Variants in CELSR2 observed in about 807,000 individuals in gnomAD.
The protein encoded by CELSR2 is EGF-like protein 2.
In CELSR2, 81 loss-of-function variants were observed where a neutral mutation model predicts 251.6. The ratio of observed to expected loss-of-function variants is 0.32; its 90% CI spans 0.27 to 0.39. The LOEUF is 0.39. Among genes scored for constraint, CELSR2 ranks in the 10% least tolerant of loss-of-function variants. The probability of loss-of-function intolerance (pLI) is 1.00; values close to 1 mark genes in which losing one functional copy is unlikely to be tolerated. For missense variants in CELSR2, 3,365 were observed against 3,947.7 expected, an observed-to-expected ratio of 0.85 and a Z score of 3.96; for synonymous variants, 1,721 against 1,670.5, an observed-to-expected ratio of 1.03 and a Z score of -0.74.
chr1:109,251,216 G>C lies in CELSR2; in HGVS notation c.1137G>C (p.Arg379=), dbSNP rs769734269. 3 of 1,613,942 alleles carry C rather than the reference G, an allele frequency of 1.9e-6. No homozygotes were observed. The South Asian group carries it at 3.3e-5, about 18-fold the overall frequency. ...ASDQGRDPGP[R]STTAAVFLSV... is the part of the protein sequence containing the mutation. ...ACCAGGGTCGGGACCCGGGTCCTCG[G>C]AGTACCACAGCCGCTGTTTTCCTTT... Residue 379 remains arginine (R), a synonymous_variant, in exon 1 of 34, where the codon CGG becomes CGC. Coordinates refer to ENST00000271332, the MANE Select transcript of CELSR2 (RefSeq NM_001408.3). The surrounding 1 kb of genome is among the most constrained non-coding windows in gnomAD (Gnocchi z 4.9).
chr1:109,257,386 T>G (rs1439207172), intron 1 of CELSR2, among the ~76,000 whole-genome samples: 1 of 151,274 alleles, frequency 6.6e-6, no homozygotes, highest in Non-Finnish European at 1.5e-5. Context: ...CTTCTTGCCC[T>G]GTAAAGCCAT....
Position 109,258,758 on chromosome 1 carries a change from C to A in CELSR2, c.3637C>A (p.Arg1213Ser), listed in dbSNP as rs754195992. Reference sequence around the variant, plus strand: ...CCTGCAGGAGCGCCTATACCTCAACCGCAGCCTGCTGACGGCCATCTCGGC... The same window carrying A: ...CCTGCAGGAGCGCCTATACCTCAACAGCAGCCTGCTGACGGCCATCTCGGC... ...EDLQERLYLN[R>S]SLLTAISAQR... The change falls in exon 2 of 34, where the codon CGC becomes AGC. Residue 1213 changes from arginine to serine, a missense_variant. By Grantham distance (110) the Arg-to-Ser change is moderately radical (BLOSUM62 -1). Around this residue, in one of 5 missense-constraint regions of CELSR2, gnomAD observed 2,093 missense variants for 2,382.8 expected, o/e 0.88. Coordinates refer to ENST00000271332, the MANE Select transcript of CELSR2 (RefSeq NM_001408.3). 2.5e-6 allele frequency: 4 copies of A among 1,584,840 alleles called. No individual in the cohort carries two copies. Among genetic ancestry groups the A allele is most frequent in the Non-Finnish European group, 3.4e-6 (4 of 1,165,818 alleles).
rs375862401 is a variant in CELSR2 at position 109,264,493 on chromosome 1, C to A, written c.5329C>A (p.Leu1777Met). Residue 1777 changes from leucine (L) to methionine (M), a missense_variant, in exon 11 of 34, where the codon CTG becomes ATG. Leu to Met is a conservative substitution (Grantham distance 15). This residue lies in a region of CELSR2 where 2,093 missense variants were observed against 2,382.8 expected (regional missense o/e 0.88). Transcript: ENST00000271332. ...VSDTPEGVNS[L>M]DPSHGESINV... ...CGATACGCCGGAGGGGGTTAACAGC[C>A]TGGATCCCAGCCATGGGGAGAGCAT... 1 of 1,613,938 alleles carries A rather than the reference C, an allele frequency of 6.2e-7. No homozygotes were observed. Among genetic ancestry groups the A allele is most frequent in the African/African-American group, 1.3e-5 (1 of 74,948 alleles).
chr1:109,262,699 T>A lies in CELSR2; in HGVS notation c.4545-107T>A, dbSNP rs1656052213. On this transcript the variant is annotated intron_variant, in intron 6 of 33. Transcript: ENST00000271332. Reference sequence around the variant, plus strand: ...CCTGAGCACTGCTCTGCAGGGCCTCTTGGACACCTGCCTACGCCGTTCGTG... The same window carrying A: ...CCTGAGCACTGCTCTGCAGGGCCTCATGGACACCTGCCTACGCCGTTCGTG... The A allele has an allele frequency of 1.4e-5, 22 of 1,537,520 alleles. No individual in the cohort carries two copies. In the South Asian group the frequency reaches 2.6e-4, roughly 18 times the overall value.
chr1:109,270,812 G>A (rs1656349582), intron 24 of CELSR2, 115 bp from the exon 25 acceptor site: 1 of 987,190 alleles, frequency 1.0e-6, no homozygotes, highest in Admixed American at 2.1e-5. Flanking sequence ...GGCCGATGGT[G>A]GGCAGAACCC....
Position 109,258,946 on chromosome 1 carries a change from C to T in CELSR2, c.3825C>T (p.Arg1275=). 1.9e-6 allele frequency: 3 copies of T among 1,611,844 alleles called. No individual in the cohort carries two copies. Among genetic ancestry groups the T allele is most frequent in the Non-Finnish European group, 2.5e-6 (3 of 1,179,618 alleles). ...PIHPVGGLRC[R]CPPGFTGDYC... is the part of the protein sequence containing the mutation. ...ACCCCGTCGGAGGGCTGCGCTGCCGCTGCCCGCCCGGCTTCACGGGTGACT... is the reference window on the plus strand; with the variant it reads ...ACCCCGTCGGAGGGCTGCGCTGCCGTTGCCCGCCCGGCTTCACGGGTGACT... The change falls in exon 2 of 34, where the codon CGC becomes CGT. Residue 1275 remains arginine, a synonymous_variant. Coordinates refer to ENST00000271332, the MANE Select transcript of CELSR2 (RefSeq NM_001408.3).
rs1393367358 is a variant in CELSR2, at chr1:109,273,179, GC to G, written c.8354del (p.Pro2785LeufsTer40). ...HSTPKDGGPG[P>X]GKAPWPGDFG... Reference sequence around the variant, plus strand: ...TTTCCCCACCAGATGGGGGCCCAGGGCCTGGCAAGGCCCCCTGGCCAGGAGA... The same window carrying G: ...TTTCCCCACCAGATGGGGGCCCAGGGCTGGCAAGGCCCCCTGGCCAGGAGA... On this transcript the variant is annotated frameshift_variant, in exon 32 of 34. Transcript: ENST00000271332. LOFTEE classifies it high-confidence loss of function. The G allele has an allele frequency of 6.2e-7, 1 of 1,608,492 alleles. No homozygotes were observed. Among genetic ancestry groups the G allele is most frequent in the African/African-American group, 1.3e-5 (1 of 74,392 alleles).
chr1:109,273,457 T>A lies in CELSR2; in HGVS notation c.8531T>A (p.Leu2844Gln), dbSNP rs1330162830. Residue 2844 changes from leucine to glutamine, a missense_variant, in exon 33 of 34, where the codon CTG becomes CAG. Around this residue, in one of 5 missense-constraint regions of CELSR2, gnomAD observed 2,093 missense variants for 2,382.8 expected, o/e 0.88. Coordinates refer to ENST00000271332, the MANE Select transcript of CELSR2 (RefSeq NM_001408.3). ...PHKGILKKKC[L>Q]PTISEKSSLL... ...ACAGGCATCCTTAAGAAGAAGTGTC[T>A]GCCCACCATCAGCGAGAAGAGCAGC... The A allele has an allele frequency of 1.2e-6, 2 of 1,612,298 alleles. No individual in the cohort carries two copies. Among genetic ancestry groups the A allele is most frequent in the Admixed American group, 3.3e-5 (2 of 59,890 alleles).
At position 109,273,252 on chromosome 1, in the gene CELSR2, G is replaced by A; in HGVS notation, c.8425G>A (p.Glu2809Lys). Residue 2809 changes from glutamate to lysine, a missense_variant, in exon 32 of 34, where the codon GAG becomes AAG. Coordinates refer to ENST00000271332, the MANE Select transcript of CELSR2 (RefSeq NM_001408.3). The stretch of plus-strand genomic sequence containing the variant: ...GAGTAGTGGCAACGGGGCCCCTGAG[G>A]AGCGGCTGCGGGAGAATGGAGATGC... Reference protein sequence around the residue: ...KESSGNGAPEERLRENGDALS... With the variant: ...KESSGNGAPEKRLRENGDALS... 1 of 1,612,426 alleles carries A rather than the reference G, an allele frequency of 6.2e-7. No individual in the cohort carries two copies.
chr1:109,250,539 C>G lies in CELSR2; in HGVS notation c.460C>G (p.Pro154Ala). Residue 154 changes from proline to alanine, a missense_variant, in exon 1 of 34, where the codon CCC becomes GCC. Pro to Ala is a conservative substitution (Grantham distance 27). Coordinates refer to ENST00000271332, the MANE Select transcript of CELSR2 (RefSeq NM_001408.3). This position sits in a 1 kb window ranked among gnomAD's most constrained non-coding sequence, Gnocchi z 4.4. ...RCQSCKLAQA[P>A]GLRAGERSPE... is the part of the protein sequence containing the mutation. ...CCAGTCCTGCAAGCTGGCACAGGCC[C>G]CCGGGCTCAGGGCAGGGGAAAGGTC... 1 of 1,613,924 alleles carries G rather than the reference C, an allele frequency of 6.2e-7. No individual in the cohort carries two copies. The highest frequency in any genetic ancestry group is 1.1e-5 in the South Asian group (1 of 91,088).
Position 109,269,133 on chromosome 1 carries a change from G to T in CELSR2, c.6655G>T (p.Ala2219Ser), listed in dbSNP as rs147671089. The change falls in exon 20 of 34, where the codon GCA (alanine) becomes TCA (serine). Residue 2219 changes from alanine to serine, a missense_variant. Coordinates refer to ENST00000271332, the MANE Select transcript of CELSR2 (RefSeq NM_001408.3). The surrounding 1 kb of genome is among the most constrained non-coding windows in gnomAD (Gnocchi z 6.4). ...FRETPPVVRPAGPGEAQEPEE... is the reference protein window; with the variant it reads ...FRETPPVVRPSGPGEAQEPEE... ...AGAGACGCCCCCCGTGGTCAGGCCC[G>T]CAGGCCCCGGAGAGGCCCAGGAGCC... 127 of 1,606,070 alleles carry T rather than the reference G, an allele frequency of 7.9e-5. No individual in the cohort carries two copies. The African/African-American group carries it at 1.5e-3, about 19-fold the overall frequency.
At position 109,261,002 on chromosome 1, in the gene CELSR2, C is replaced by G. The variant is rs1656004534; in HGVS notation, c.3959-40C>G. On this transcript the variant is annotated intron_variant, in intron 2 of 33. Coordinates refer to ENST00000271332, the MANE Select transcript of CELSR2 (RefSeq NM_001408.3). This position sits in a 1 kb window ranked among gnomAD's most constrained non-coding sequence, Gnocchi z 4.8. ...GGGGGGTCTCAGTTCCCCTCCTGTC[C>G]TCAGGTACTTGGTACTCACCTGCCT... 5 of 1,513,462 alleles carry G rather than the reference C, an allele frequency of 3.3e-6. No individual in the cohort carries two copies. The highest frequency in any genetic ancestry group is 4.5e-6 in the Non-Finnish European group (5 of 1,101,584). The allele number at this position is 1,513,462 out of a possible 1,614,324, so 93.8% of individuals were successfully genotyped here. A position where few individuals can be genotyped will look rare whatever the true frequency, so the allele number is the denominator to read the frequency against.
intron 1 of CELSR2, among the ~76,000 whole-genome samples, chr1:109,258,005 A>T (rs655334): frequency 0.12 from 17,958 of 152,094 alleles, 1,308 homozygotes; most frequent in African/African-American, 0.19. Flanking sequence ...GGAGTGGGGA[A>T]CACAGCCATG....
chr1:109,272,903 C>G lies in CELSR2; in HGVS notation c.8214C>G (p.His2738Gln). 1 of 1,614,030 alleles carries G rather than the reference C, an allele frequency of 6.2e-7. No homozygotes were observed. Among genetic ancestry groups the G allele is most frequent in the Non-Finnish European group, 8.5e-7 (1 of 1,179,986 alleles). ...AGAGTGGCTCCTATGCCTCTACCCA[C>G]TCATCAGACAGTGAGGAGGAAGAAG... The part of the protein sequence containing the change: ...DDQSGSYAST[H>Q]SSDSEEEEEE... The change falls in exon 31 of 34, where the codon CAC (histidine) becomes CAG (glutamine). Residue 2738 changes from histidine to glutamine, a missense_variant. Around this residue, in one of 5 missense-constraint regions of CELSR2, gnomAD observed 2,093 missense variants for 2,382.8 expected, o/e 0.88. Coordinates refer to ENST00000271332, the MANE Select transcript of CELSR2 (RefSeq NM_001408.3).
Position 109,252,338 on chromosome 1 carries a change from C to G in CELSR2, c.2259C>G (p.Asp753Glu), listed in dbSNP as rs1409357652. ...ENARITYFME[D>E]SIPQFRIDAD... The stretch of plus-strand genomic sequence containing the variant: ...CCCGCATCACCTACTTCATGGAGGA[C>G]AGCATCCCCCAGTTCCGCATCGATG... Residue 753 changes from aspartate (D) to glutamate (E), a missense_variant, in exon 1 of 34, where the codon GAC (aspartate) becomes GAG (glutamate). This residue lies in a region of CELSR2 where 505 missense variants were observed against 660.0 expected (regional missense o/e 0.77). Coordinates refer to ENST00000271332, the MANE Select transcript of CELSR2 (RefSeq NM_001408.3). This position sits in a 1 kb window ranked among gnomAD's most constrained non-coding sequence, Gnocchi z 4.8. 5 of 1,612,968 alleles carry G rather than the reference C, an allele frequency of 3.1e-6. No individual in the cohort carries two copies. The highest frequency in any genetic ancestry group is 4.2e-6 in the Non-Finnish European group (5 of 1,180,030).
chr1:109,253,709 C>T lies in CELSR2; in HGVS notation c.3310+320C>T, dbSNP rs566276572. Among the ~76,000 whole-genome samples, 10 of 152,220 alleles carry T rather than the reference C, an allele frequency of 6.6e-5. No homozygotes were observed. In the South Asian group the frequency reaches 1.2e-3, roughly 19 times the overall value. On this transcript the variant is annotated intron_variant, in intron 1 of 33. Coordinates refer to ENST00000271332, the MANE Select transcript of CELSR2 (RefSeq NM_001408.3). The stretch of plus-strand genomic sequence containing the variant: ...CTGCCAAGAATTGTGAAAAAAGGCG[C>T]GTGGAAGCCTGGGGGGCCAGGAGAG...
At chr1:109,262,517 T>C in intron 6 of CELSR2, 73 bp downstream of exon 6, 1 of 1,534,728 alleles carries the variant, frequency 6.5e-7, no homozygotes, top group Non-Finnish European at 8.9e-7. Flanking sequence ...GTGGAGAGGG[T>C]GGGCTTTTGG....
rs1656375846 is a variant in CELSR2, at chr1:109,271,652, C to T, written c.7856C>T (p.Ala2619Val). The change falls in exon 28 of 34, where the codon GCA becomes GTA. Residue 2619 changes from alanine (A) to valine (V), a missense_variant. By Grantham distance (64) the Ala-to-Val change is moderately conservative. Transcript: ENST00000271332. ...GTGCTTAGCAAGGAGGTCCGGAAAGCACTCAAGCTTGCCTGCAGCCGCAAG... is the reference window on the plus strand; with the variant it reads ...GTGCTTAGCAAGGAGGTCCGGAAAGTACTCAAGCTTGCCTGCAGCCGCAAG... Reference protein sequence around the residue: ...YVVLSKEVRKALKLACSRKPS... With the variant: ...YVVLSKEVRKVLKLACSRKPS... 1 of 1,614,072 alleles carries T rather than the reference C, an allele frequency of 6.2e-7. No individual in the cohort carries two copies. Among genetic ancestry groups the T allele is most frequent in the Middle Eastern group, 1.6e-4 (1 of 6,062 alleles).
rs762010127 is a variant in CELSR2, at chr1:109,272,842, C to T, written c.8153C>T (p.Thr2718Met). ...EGQDQQHDPD[T>M]DSDSDLSLED... ...CTCCCTGGCCTCCTAGATCCTGACACGGACTCCGACAGTGACCTGTCCTTA... is the reference window on the plus strand; with the variant it reads ...CTCCCTGGCCTCCTAGATCCTGACATGGACTCCGACAGTGACCTGTCCTTA... Residue 2718 changes from threonine to methionine, a missense_variant, in exon 31 of 34, where the codon ACG becomes ATG. By Grantham distance (81) the Thr-to-Met change is moderately conservative (BLOSUM62 -1). Transcript: ENST00000271332. 65 of 1,612,814 alleles carry T rather than the reference C, an allele frequency of 4.0e-5. No homozygotes were observed. Among genetic ancestry groups the T allele is most frequent in the African/African-American group, 1.6e-4 (12 of 74,834 alleles).
Sources: allele counts gnomAD v4.1 joint callset (sites outside exome capture counted in the v4.1 genomes callset), GRCh38; gene constraint gnomAD v4.1.1; regional missense constraint gnomAD v4.1.1; non-coding constraint Gnocchi (gnomAD v3.1); transcripts MANE v1.5; gene names NCBI Gene and HGNC (gene_info 2026-07-23, HGNC 2026-07-21).